The following NPLOC4 variants were observed in gnomAD, a reference collection of about 807,000 sequenced individuals.
The protein encoded by NPLOC4 is nuclear protein localization protein 4 homolog.
In NPLOC4, 18 loss-of-function variants were observed where a neutral mutation model predicts 80.6. That is an observed-to-expected ratio of 0.22 (90% CI 0.15 to 0.33). The LOEUF is 0.33. NPLOC4 is among the 10% of genes least tolerant of loss of function. The pLI is 1.00. For synonymous variants in NPLOC4, 313 were observed against 301.5 expected (o/e 1.04, Z -0.39); for missense variants, 540 against 786.1 (o/e 0.69, Z 3.74).
intron 11 of NPLOC4, among the ~76,000 whole-genome samples, chr17:81,593,920 C>T (rs1279938528): frequency 6.6e-6 from 1 of 151,986 alleles, no homozygotes; most frequent in East Asian, 1.9e-4. Flanking sequence ...CTCCTTCAAT[C>T]CTAGCCCAAA....
intron 11 of NPLOC4, among the ~76,000 whole-genome samples, chr17:81,592,212 G>A (rs2034769340): frequency 6.6e-6 from 1 of 152,220 alleles, no homozygotes; most frequent in African/African-American, 2.4e-5. Context: ...GTCTAAGGAG[G>A]GATGTGGGAC....
chr17:81,597,346 T>C, intron 9 of NPLOC4, 30 bp from the exon 10 acceptor site: 1 of 1,566,440 alleles, frequency 6.4e-7, no homozygotes, highest in Non-Finnish European at 8.8e-7. Flanking sequence ...CTTTTAAACA[T>C]CTCCTCAAGA....
chr17:81,574,520 G>A (rs1158931570), intron 12 of NPLOC4, among the ~76,000 whole-genome samples: 1 of 152,172 alleles, frequency 6.6e-6, no homozygotes, highest in African/African-American at 2.4e-5. Context: ...GGAATGCGCT[G>A]GGAGGAGGTT....
intron 9 of NPLOC4, 147 bp from the exon 10 acceptor site, chr17:81,597,463 A>G: frequency 1.6e-6 from 1 of 625,476 alleles, no homozygotes. Context: ...ATCCTGGCCA[A>G]TACAGTGAAA....
chr17:81,622,993 G>A (rs1344009656), intron 2 of NPLOC4, among the ~76,000 whole-genome samples: 2 of 151,822 alleles, frequency 1.3e-5, no homozygotes, highest in African/African-American at 4.8e-5. Flanking sequence ...TTAGGAGTTC[G>A]AGACCAGCCT....
chr17:81,617,582 G>A (rs1246374537), intron 3 of NPLOC4, among the ~76,000 whole-genome samples: 1 of 152,148 alleles, frequency 6.6e-6, no homozygotes, highest in Non-Finnish European at 1.5e-5. Context: ...GGCTGAAGCA[G>A]GTGGATCACA....
intron 12 of NPLOC4, among the ~76,000 whole-genome samples, chr17:81,576,550 C>T (rs1015923669): frequency 2.0e-5 from 3 of 151,978 alleles, no homozygotes; most frequent in East Asian, 1.9e-4. Context: ...TTCCAAAGTA[C>T]GATGACAAAG....
At chr17:81,629,960 A>T in intron 1 of NPLOC4, 155 bp from the exon 2 acceptor site, 1 of 603,066 alleles carries the variant, frequency 1.7e-6, no homozygotes, top group South Asian at 2.0e-5. Flanking sequence ...ATCCTTCTAG[A>T]ATATGATGCC....
intron 11 of NPLOC4, among the ~76,000 whole-genome samples, chr17:81,594,453 C>T (rs2034841439): frequency 6.6e-6 from 1 of 151,922 alleles, no homozygotes; most frequent in African/African-American, 2.4e-5. Flanking sequence ...GCAGGCTGGG[C>T]AACACAGCAA....
chr17:81,613,138 A>AAAACAAAAACTG, intron 4 of NPLOC4, 180 bp downstream of exon 4: 3 of 557,112 alleles, frequency 5.4e-6, no homozygotes, highest in Non-Finnish European at 8.5e-6. Flanking sequence ...AAAAAAAAAA[A>AAAACAAAAACTG]ACAAAAACCG....
chr17:81,587,487 T>C lies in NPLOC4; in HGVS notation c.1281+1457A>G, dbSNP rs377415208. ...CCTGCCACCATGCCCGGCTAACTTT[T>C]TGTAGTTTTAGTAGAGACGGGGTTT... On this transcript the variant is annotated intron_variant, in intron 12 of 16. Coordinates refer to ENST00000331134, the MANE Select transcript of NPLOC4 (RefSeq NM_017921.4). Among the ~76,000 whole-genome samples, 29 of 150,772 alleles carry C rather than the reference T, an allele frequency of 1.9e-4. No individual in the cohort carries two copies. The South Asian group carries it at 5.7e-3, about 29-fold the overall frequency.
intron 3 of NPLOC4, among the ~76,000 whole-genome samples, chr17:81,615,512 A>G (rs961397154): frequency 1.3e-5 from 2 of 152,238 alleles, no homozygotes; most frequent in African/African-American, 4.8e-5. Context: ...TCTAAAATCA[A>G]TTGATGAGCT....
At chr17:81,561,688 C>T (rs917310901) in intron 16 of NPLOC4, 1 of 152,100 alleles carries the variant, frequency 6.6e-6, no homozygotes, top group Non-Finnish European at 1.5e-5. Flanking sequence ...CTCATGGGAT[C>T]CTCCCATTTC....
chr17:81,574,154 C>G (rs903425473), intron 12 of NPLOC4, among the ~76,000 whole-genome samples: 7 of 152,270 alleles, frequency 4.6e-5, no homozygotes, highest in African/African-American at 1.7e-4. Flanking sequence ...CCTGCAACAA[C>G]TCACACATAA....
chr17:81,561,565 G>A (rs1403056909), intron 16 of NPLOC4, among the ~76,000 whole-genome samples: 2 of 152,162 alleles, frequency 1.3e-5, no homozygotes, highest in Admixed American at 6.6e-5. Context: ...AGGCCCTGAA[G>A]AGATTCAACT....
At chr17:81,561,098 C>G (rs1336977622) in intron 16 of NPLOC4, among the ~76,000 whole-genome samples, 1 of 152,152 alleles carries the variant, frequency 6.6e-6, no homozygotes, top group African/African-American at 2.4e-5. Context: ...GCTAGGATTA[C>G]AGGCACGTGC....
intron 13 of NPLOC4, among the ~76,000 whole-genome samples, chr17:81,571,738 T>A (rs1215838124): frequency 6.6e-6 from 1 of 152,214 alleles, no homozygotes; most frequent in Admixed American, 6.5e-5. Context: ...TGGTCCTTTG[T>A]ACTTTAGTAT....
At chr17:81,630,557 A>C (rs7406040) in intron 1 of NPLOC4, among the ~76,000 whole-genome samples, 93,320 of 151,698 alleles carry the variant, frequency 0.62, 30,717 homozygotes, top group East Asian at 0.99. Context: ...TGTGAGCCAC[A>C]ACGCCAGCTA....
intron 13 of NPLOC4, among the ~76,000 whole-genome samples, chr17:81,570,575 T>A (rs62073403): frequency 6.6e-6 from 1 of 152,184 alleles, no homozygotes; most frequent in Non-Finnish European, 1.5e-5. Flanking sequence ...CCATCCCAGA[T>A]GTCCCAAGGA....
Sources: allele counts gnomAD v4.1 joint callset (sites outside exome capture counted in the v4.1 genomes callset), GRCh38; gene constraint gnomAD v4.1.1; transcripts MANE v1.5; gene names NCBI Gene and HGNC (gene_info 2026-07-23, HGNC 2026-07-21).